PPP2R2B: variants seen among roughly 807,000 people sequenced by gnomAD.
The protein encoded by PPP2R2B is protein phosphatase 2 regulatory subunit Bbeta.
In PPP2R2B, 5 loss-of-function variants were observed where a neutral mutation model predicts 46.0. That is an observed-to-expected ratio of 0.11 (90% CI 0.06 to 0.23). PPP2R2B has a LOEUF of 0.23. PPP2R2B is among the 10% of genes least tolerant of loss of function. The pLI, the probability that PPP2R2B is intolerant of heterozygous loss-of-function variation, is 1.00. For synonymous variants in PPP2R2B, 215 were observed against 206.7 expected, an observed-to-expected ratio of 1.04 and a Z score of -0.34; for missense variants, 367 against 575.0, an observed-to-expected ratio of 0.64 and a Z score of 3.70.
intron 5 of PPP2R2B, among the ~76,000 whole-genome samples, chr5:146,672,203 C>T: frequency 6.6e-6 from 1 of 151,868 alleles, no homozygotes; most frequent in East Asian, 1.9e-4. Flanking sequence ...TGTAAATTTC[C>T]CAGGGGAAGA....
At chr5:146,905,615 A>G (rs918833775) in intron 1 of PPP2R2B, among the ~76,000 whole-genome samples, 1 of 152,152 alleles carries the variant, frequency 6.6e-6, no homozygotes, top group African/African-American at 2.4e-5. Context: ...CTGCCCACCA[A>G]CTAGTGAATG....
chr5:146,951,539 T>G (rs1347510803), intron 1 of PPP2R2B, among the ~76,000 whole-genome samples: 1 of 151,888 alleles, frequency 6.6e-6, no homozygotes, highest in East Asian at 1.9e-4. Context: ...TAGGCCCCAG[T>G]GTGTTTTTCT....
chr5:146,739,363 C>G (rs149212712), intron 2 of PPP2R2B, among the ~76,000 whole-genome samples: 3 of 152,180 alleles, frequency 2.0e-5, no homozygotes, highest in African/African-American at 7.2e-5. Flanking sequence ...GGGGAAGCAT[C>G]GTGGAGAAAG....
intron 2 of PPP2R2B, among the ~76,000 whole-genome samples, chr5:146,848,026 T>C (rs1466564358): frequency 2.0e-5 from 3 of 152,350 alleles, no homozygotes; most frequent in Admixed American, 6.5e-5. Flanking sequence ...ACAAGTTAGA[T>C]GCCACATCAT....
At chr5:146,669,361 T>G (rs1158762355) in intron 5 of PPP2R2B, among the ~76,000 whole-genome samples, 1 of 152,196 alleles carries the variant, frequency 6.6e-6, no homozygotes, top group Non-Finnish European at 1.5e-5. Flanking sequence ...ACCAATGGTC[T>G]GGGTGGATCT....
intron 9 of PPP2R2B, 94 bp downstream of exon 9, chr5:146,592,877 G>T: frequency 2.4e-6 from 3 of 1,248,958 alleles, no homozygotes; most frequent in South Asian, 2.5e-5. Context: ...GCCCAATTTT[G>T]ACCTCCCTTT....
At chr5:146,891,550 A>G (rs1294563358) in intron 1 of PPP2R2B, among the ~76,000 whole-genome samples, 1 of 152,220 alleles carries the variant, frequency 6.6e-6, no homozygotes, top group African/African-American at 2.4e-5. Context: ...TATGAAACTC[A>G]TGTCAGTGGG....
chr5:146,772,543 C>T (rs1406464988), intron 2 of PPP2R2B, among the ~76,000 whole-genome samples: 1 of 151,350 alleles, frequency 6.6e-6, no homozygotes, highest in African/African-American at 2.4e-5. Context: ...ACTTCTTTGT[C>T]TATATTCTTC....
intron 2 of PPP2R2B, among the ~76,000 whole-genome samples, chr5:146,854,536 T>C (rs1166635370): frequency 6.6e-6 from 1 of 152,162 alleles, no homozygotes. Context: ...TATCTAACCG[T>C]ATATTTGTAC....
rs560250305 is a variant in PPP2R2B at position 147,002,019 on chromosome 5, A to G, written c.79+53646T>C. On this transcript the variant is annotated intron_variant, in intron 1 of 8. Coordinates refer to the PPP2R2B transcript ENST00000336640. ...CATGTCGCCCAAGTGAGACTCATCC[A>G]TCTATCTTATCTATCCTGACCCTTG... is the stretch of plus-strand genomic sequence containing the variant. Among the ~76,000 whole-genome samples the G allele has an allele frequency of 2.0e-5, 3 of 152,176 alleles. 1 individual carries two copies. The highest frequency in any genetic ancestry group is 4.8e-5 in the African/African-American group (2 of 41,516).
At chr5:146,699,661 G>GGTTT (rs1779418281) in intron 3 of PPP2R2B, among the ~76,000 whole-genome samples, 1 of 118,056 alleles carries the variant, frequency 8.5e-6, no homozygotes, top group African/African-American at 3.3e-5. Flanking sequence ...AACTTAATTG[G>GGTTT]TTTTTTTTTT....
chr5:146,734,770 G>A (rs577393233), intron 2 of PPP2R2B, among the ~76,000 whole-genome samples: 14 of 152,216 alleles, frequency 9.2e-5, no homozygotes, highest in Admixed American at 7.2e-4. Context: ...ATCCTATAAC[G>A]TATAGAGAGG....
chr5:146,810,265 A>T (rs1582157686), intron 2 of PPP2R2B, among the ~76,000 whole-genome samples: 1 of 152,164 alleles, frequency 6.6e-6, no homozygotes, highest in South Asian at 2.1e-4. Flanking sequence ...GTGGCTGGGG[A>T]GGCCTCACAA....
rs559314279 is a variant in PPP2R2B, at chr5:146,809,739, G to A, written c.70+68263C>T. 1.1e-4 allele frequency among the ~76,000 whole-genome samples: 16 copies of A among 152,316 alleles called. No individual in the cohort carries two copies. The East Asian group carries it at 3.1e-3, about 29-fold the overall frequency. Reference sequence around the variant, plus strand: ...ACAACGGGAAATGATTGGAGGGTTTGAGGCAGCAGGCTGACAAGTGCTTCA... The same window carrying A: ...ACAACGGGAAATGATTGGAGGGTTTAAGGCAGCAGGCTGACAAGTGCTTCA... On this transcript the variant is annotated intron_variant, in intron 2 of 9. Transcript: ENST00000394411.
chr5:147,060,486 G>T (rs191881641), upstream of PPP2R2B, among the ~76,000 whole-genome samples: 439 of 152,190 alleles, frequency 2.9e-3, 2 homozygotes, highest in African/African-American at 0.01. Flanking sequence ...AAATTATCCA[G>T]GTGTGGTGGT....
chr5:146,590,141 C>T lies in PPP2R2B; in HGVS notation c.1138G>A (p.Glu380Lys). 1 of 1,614,096 alleles carries T rather than the reference C, an allele frequency of 6.2e-7. No individual in the cohort carries two copies. Among genetic ancestry groups the T allele is most frequent in the Non-Finnish European group, 8.5e-7 (1 of 1,180,022 alleles). ...AGGATAGCCCGGGGCTTGCTGTTTTCCCTCGAAGCCTCAAGGGTCACATCA... is the reference window on the plus strand; with the variant it reads ...AGGATAGCCCGGGGCTTGCTGTTTTTCCTCGAAGCCTCAAGGGTCACATCA... ...KRDVTLEASR[E>K]NSKPRAILKP... Residue 380 changes from glutamate (E) to lysine (K), a missense_variant, in exon 10 of 10, where the codon GAA (glutamate) becomes AAA (lysine). Physicochemically the swap from Glu to Lys is moderately conservative, Grantham distance 56. Around this residue, in one of 2 missense-constraint regions of PPP2R2B, gnomAD observed 361 missense variants for 545.5 expected, o/e 0.66. Transcript: ENST00000394411.
intron 2 of PPP2R2B, among the ~76,000 whole-genome samples, chr5:146,820,154 T>G (rs1025697386): frequency 6.6e-6 from 1 of 152,174 alleles, no homozygotes; most frequent in Non-Finnish European, 1.5e-5. Context: ...GTGACTATAG[T>G]TAACAATAAG....
chr5:146,623,651 G>T (rs1204172568), intron 7 of PPP2R2B, among the ~76,000 whole-genome samples: 3 of 152,200 alleles, frequency 2.0e-5, no homozygotes, highest in African/African-American at 7.2e-5. Context: ...CTGGGATTAA[G>T]GATGCCCATA....
chr5:146,919,936 C>T (rs1460082428), intron 1 of PPP2R2B: 1 of 151,252 alleles, frequency 6.6e-6, no homozygotes, highest in Non-Finnish European at 1.5e-5. Context: ...ACTGATATAG[C>T]TCTGCCTCTT....
Sources: allele counts gnomAD v4.1 joint callset (sites outside exome capture counted in the v4.1 genomes callset), GRCh38; gene constraint gnomAD v4.1.1; regional missense constraint gnomAD v4.1.1; transcripts MANE v1.5; gene names NCBI Gene and HGNC (gene_info 2026-07-23, HGNC 2026-07-21).